The following TBC1D5 variants were observed in gnomAD, a reference collection of about 807,000 sequenced individuals.
The protein encoded by TBC1D5 is TBC1 domain family, member 5.
A neutral mutation model predicts 100.3 loss-of-function variants in TBC1D5; 75 were observed. The observed-to-expected ratio is 0.75, with a 90% confidence interval of 0.62 to 0.91. TBC1D5 has a LOEUF of 0.91. Ranked by LOEUF, TBC1D5 falls within the 40% of genes least tolerant of loss-of-function variation. The pLI is 0.00. For synonymous variants in TBC1D5, 323 were observed against 325.6 expected, an observed-to-expected ratio of 0.99 and a Z score of 0.09; for missense variants, 910 against 942.4, an observed-to-expected ratio of 0.97 and a Z score of 0.45.
At chr3:17,598,747 CA>C (rs1324500823) in intron 2 of TBC1D5, among the ~76,000 whole-genome samples, 3 of 152,184 alleles carry the variant, frequency 2.0e-5, no homozygotes, top group Non-Finnish European at 4.4e-5. Context: ...AAACCAGAGA[CA>C]AAACAGGTAA....
At position 17,195,560 on chromosome 3, in the gene TBC1D5, G is replaced by A. The variant is rs542607607; in HGVS notation, c.1753-10352C>T. 6.6e-5 allele frequency among the ~76,000 whole-genome samples: 10 copies of A among 152,294 alleles called. No individual in the cohort carries two copies. In the East Asian group the frequency reaches 1.5e-3, roughly 24 times the overall value. ...TTCTTATGACAAAGCTAATTGATCCGTGTGAAGATGAAATGTACACACTTG... is the reference window on the plus strand; with the variant it reads ...TTCTTATGACAAAGCTAATTGATCCATGTGAAGATGAAATGTACACACTTG... On this transcript the variant is annotated intron_variant, in intron 18 of 21. Transcript: ENST00000253692.
In TBC1D5 at chr3:17,272,288, AAATG is replaced by A. The variant is rs202074196; in HGVS notation, c.1246-13701_1246-13698del. 8.7e-3 allele frequency among the ~76,000 whole-genome samples: 1,320 copies of A among 152,320 alleles called. 17 individuals carry two copies. The highest frequency in any genetic ancestry group is 0.03 in the African/African-American group (1,249 of 41,560). On this transcript the variant is annotated intron_variant, in intron 15 of 21. Transcript: ENST00000253692. ...ATAGACAATTTTTTTAAAAATCAACAAATGATACACTGTACTATTAAATTATTTA... is the reference window on the plus strand; with the variant it reads ...ATAGACAATTTTTTTAAAAATCAACAATACACTGTACTATTAAATTATTTA...
chr3:17,349,270 G>C (rs2090272945), intron 13 of TBC1D5, among the ~76,000 whole-genome samples: 1 of 152,134 alleles, frequency 6.6e-6, no homozygotes, highest in Non-Finnish European at 1.5e-5. Context: ...TAGATTCTTA[G>C]TCGCCTCTAA....
chr3:17,253,870 T>A (rs1196571175), intron 16 of TBC1D5, among the ~76,000 whole-genome samples: 1 of 152,348 alleles, frequency 6.6e-6, no homozygotes, highest in African/African-American at 2.4e-5. Flanking sequence ...TACGTGCGGA[T>A]TTTTTTCAAC....
intron 18 of TBC1D5, among the ~76,000 whole-genome samples, chr3:17,199,828 T>G (rs2071235604): frequency 1.3e-5 from 2 of 152,148 alleles, no homozygotes; most frequent in African/African-American, 2.4e-5. Flanking sequence ...ACGGACAAGG[T>G]ATGGTTGAAT....
chr3:17,447,507 A>G (rs2094827970), intron 3 of TBC1D5, among the ~76,000 whole-genome samples: 1 of 152,240 alleles, frequency 6.6e-6, no homozygotes, highest in African/African-American at 2.4e-5. Context: ...AAAAAAACAG[A>G]AAGATACAGA....
chr3:17,631,797 T>A (rs1457570476), intron 1 of TBC1D5, among the ~76,000 whole-genome samples: 3 of 152,230 alleles, frequency 2.0e-5, no homozygotes, highest in Non-Finnish European at 2.9e-5. Flanking sequence ...AAGCCCACTG[T>A]GGACCTACTG....
chr3:17,501,832 ATGT>A (rs1435049416), intron 3 of TBC1D5, among the ~76,000 whole-genome samples: 2 of 149,446 alleles, frequency 1.3e-5, no homozygotes, highest in Non-Finnish European at 2.9e-5. Context: ...CATAAATATG[ATGT>A]CCCATTTCAA....
At chr3:17,651,773 T>C (rs1443411002) in intron 1 of TBC1D5, among the ~76,000 whole-genome samples, 2 of 152,098 alleles carry the variant, frequency 1.3e-5, no homozygotes, top group South Asian at 2.1e-4. Flanking sequence ...TTCATGTCAA[T>C]ATCATATATC....
At chr3:17,669,741 G>A (rs186762002) in intron 1 of TBC1D5, among the ~76,000 whole-genome samples, 1 of 152,292 alleles carries the variant, frequency 6.6e-6, no homozygotes, top group Admixed American at 6.5e-5. Context: ...TGTTTCAGGG[G>A]GCTGGCACAT....
intron 1 of TBC1D5, among the ~76,000 whole-genome samples, chr3:17,693,521 G>T (rs2071498831): frequency 6.6e-6 from 1 of 152,220 alleles, no homozygotes. Context: ...GCGGCAGCCT[G>T]GCTGGGGGAG....
At chr3:17,337,123 GTTTT>G (rs11328091) in intron 13 of TBC1D5, among the ~76,000 whole-genome samples, 3 of 116,146 alleles carry the variant, frequency 2.6e-5, no homozygotes, top group Admixed American at 9.0e-5. Flanking sequence ...TATCTGAGAG[GTTTT>G]TTTTTTTTTT....
At chr3:17,352,515 T>A (rs1019345451) in intron 13 of TBC1D5, among the ~76,000 whole-genome samples, 1 of 151,456 alleles carries the variant, frequency 6.6e-6, no homozygotes, top group African/African-American at 2.4e-5. Flanking sequence ...TTTTATAGAG[T>A]TGACTGTAGA....
At chr3:17,533,591 G>A (rs1311952686) in intron 2 of TBC1D5, among the ~76,000 whole-genome samples, 1 of 152,132 alleles carries the variant, frequency 6.6e-6, no homozygotes, top group Non-Finnish European at 1.5e-5. Context: ...AGAAACTGCT[G>A]GTCATAAGAT....
chr3:17,409,429 A>G (rs2093861633), intron 4 of TBC1D5, among the ~76,000 whole-genome samples: 1 of 152,094 alleles, frequency 6.6e-6, no homozygotes, highest in Non-Finnish European at 1.5e-5. Flanking sequence ...TAATGCTACA[A>G]TGGCCTCGTA....
intron 2 of TBC1D5, among the ~76,000 whole-genome samples, chr3:17,556,123 T>A (rs2096517986): frequency 6.6e-6 from 1 of 152,080 alleles, no homozygotes; most frequent in Admixed American, 6.5e-5. Context: ...TAAGTGACTC[T>A]CCTGCCTCAG....
At chr3:17,426,905 T>G (rs1251647481) in intron 4 of TBC1D5, among the ~76,000 whole-genome samples, 1 of 152,074 alleles carries the variant, frequency 6.6e-6, no homozygotes, top group East Asian at 1.9e-4. Flanking sequence ...TGTTTATGTT[T>G]AATCGTGTTT....
intron 16 of TBC1D5, among the ~76,000 whole-genome samples, chr3:17,240,571 T>C (rs1282554506): frequency 6.6e-6 from 1 of 152,200 alleles, no homozygotes; most frequent in Admixed American, 6.5e-5. Flanking sequence ...AAAGAATGAA[T>C]GAAATGAAAA....
chr3:17,469,138 T>G, intron 3 of TBC1D5, among the ~76,000 whole-genome samples: 1 of 152,056 alleles, frequency 6.6e-6, no homozygotes, highest in East Asian at 1.9e-4. Flanking sequence ...TTAGAAGGAC[T>G]AGAATTAAGT....
Sources: allele counts gnomAD v4.1 joint callset (sites outside exome capture counted in the v4.1 genomes callset), GRCh38; gene constraint gnomAD v4.1.1; transcripts MANE v1.5; gene names NCBI Gene and HGNC (gene_info 2026-07-23, HGNC 2026-07-21).